The following ARHGAP25 variants were observed in gnomAD, a reference collection of about 807,000 sequenced individuals.
ARHGAP25 encodes rho GTPase-activating protein 25.
In ARHGAP25, 34 loss-of-function variants were observed where a neutral mutation model predicts 71.0. The ratio of observed to expected loss-of-function variants is 0.48; its 90% CI spans 0.36 to 0.64. The LOEUF is 0.64. Among genes scored for constraint, ARHGAP25 ranks in the 30% least tolerant of loss-of-function variants. The pLI is 0.00. For synonymous variants in ARHGAP25, 282 were observed against 296.5 expected, an observed-to-expected ratio of 0.95 and a Z score of 0.50; for missense variants, 706 against 805.1, an observed-to-expected ratio of 0.88 and a Z score of 1.49.
chr2:68,744,337 C>T (rs1437686225), intron 1 of ARHGAP25, among the ~76,000 whole-genome samples: 2 of 152,200 alleles, frequency 1.3e-5, no homozygotes, highest in South Asian at 2.1e-4. Flanking sequence ...TCCTGAATTA[C>T]CCAGGTACAA....
chr2:68,792,934 T>C lies in ARHGAP25; in HGVS notation c.466+4978T>C, dbSNP rs181325951. 1.9e-3 allele frequency among the ~76,000 whole-genome samples: 295 copies of C among 152,130 alleles called. 2 individuals carry two copies. The highest frequency in any genetic ancestry group is 6.9e-3 in the African/African-American group (285 of 41,364). On this transcript the variant is annotated intron_variant, in intron 4 of 10. Transcript: ENST00000409202. ...TTTTCTCTGCATCTTGACCGACATCTGTTATTTTTTTACTTTTTGGTAATT... is the reference window on the plus strand; with the variant it reads ...TTTTCTCTGCATCTTGACCGACATCCGTTATTTTTTTACTTTTTGGTAATT...
At chr2:68,821,351 C>A (rs1388427864) in intron 9 of ARHGAP25, among the ~76,000 whole-genome samples, 1 of 152,162 alleles carries the variant, frequency 6.6e-6, no homozygotes, top group Non-Finnish European at 1.5e-5. Flanking sequence ...CCACCCTCCT[C>A]AGCCTCCCAA....
At chr2:68,790,058 GGCTCACTGCAACCTCC>G (rs1679055778) in intron 4 of ARHGAP25, among the ~76,000 whole-genome samples, 1 of 152,072 alleles carries the variant, frequency 6.6e-6, no homozygotes, top group Non-Finnish European at 1.5e-5. Context: ...GCATGATCTC[GGCTCACTGCAACCTCC>G]GCTTCCAGGG....
chr2:68,796,093 G>T (rs1196003802), intron 4 of ARHGAP25, among the ~76,000 whole-genome samples: 1 of 151,986 alleles, frequency 6.6e-6, no homozygotes, highest in Non-Finnish European at 1.5e-5. Flanking sequence ...CTGAAATTCT[G>T]CCTTTTGCTT....
Position 68,819,649 on chromosome 2 carries a change from A to G in ARHGAP25, c.1200+330A>G, listed in dbSNP as rs1573635335. On this transcript the variant is annotated intron_variant, in intron 9 of 10. Coordinates refer to ENST00000409202, the MANE Select transcript of ARHGAP25 (RefSeq NM_001007231.3). ...GGGAAAAATGTATACAACATTGTAA[A>G]TGTTTTGGTCAGAATTGTTGAAAAT... The G allele has an allele frequency of 2.7e-5, 15 of 556,772 alleles. No homozygotes were observed. In the East Asian group the frequency reaches 4.3e-4, roughly 16 times the overall value. The allele number at this position is 556,772 out of a possible 1,614,324, so 34.5% of individuals were successfully genotyped here.
intron 2 of ARHGAP25, among the ~76,000 whole-genome samples, chr2:68,722,406 T>C (rs1049745028): frequency 7.0e-4 from 106 of 152,074 alleles, no homozygotes; most frequent in African/African-American, 2.3e-3. Flanking sequence ...GTTAAAACCC[T>C]GACTCTACTA....
intron 2 of ARHGAP25, among the ~76,000 whole-genome samples, chr2:68,718,622 G>C (rs2104252832): frequency 6.6e-6 from 1 of 152,222 alleles, no homozygotes; most frequent in South Asian, 2.1e-4. Flanking sequence ...TAGATACATA[G>C]ATAGAGATAT....
chr2:68,758,503 A>G (rs564311314), intron 1 of ARHGAP25, among the ~76,000 whole-genome samples: 1 of 152,104 alleles, frequency 6.6e-6, no homozygotes, highest in East Asian at 1.9e-4. Flanking sequence ...AAAATGCTAC[A>G]AGAAACAAAG....
Position 68,787,910 on chromosome 2 carries a change from G to A in ARHGAP25, c.420G>A (p.Glu140=), listed in dbSNP as rs766914430. Residue 140 remains glutamate, a synonymous_variant, in exon 4 of 11, where the codon GAG becomes GAA. Transcript: ENST00000409202. ...VLMASSQAEM[E]EWVKFLRRVA... ...TGGCCAGCTCTCAGGCGGAGATGGA[G>A]GAGTGGGTTAAATTCCTCAGGAGAG... The A allele has an allele frequency of 6.2e-7, 1 of 1,614,264 alleles. No homozygotes were observed. The highest frequency in any genetic ancestry group is 8.5e-7 in the Non-Finnish European group (1 of 1,180,042).
chr2:68,797,200 A>G (rs996488784), intron 4 of ARHGAP25, among the ~76,000 whole-genome samples: 1 of 152,160 alleles, frequency 6.6e-6, no homozygotes, highest in Non-Finnish European at 1.5e-5. Context: ...TGGCATATGC[A>G]TGCACCAGCC....
intron 1 of ARHGAP25, among the ~76,000 whole-genome samples, chr2:68,771,190 G>A (rs1390502235): frequency 6.6e-6 from 1 of 152,210 alleles, no homozygotes; most frequent in Non-Finnish European, 1.5e-5. Context: ...CTAGAATAAT[G>A]TGAGGTTTCT....
chr2:68,808,956 C>T (rs1222044978), intron 5 of ARHGAP25, among the ~76,000 whole-genome samples: 1 of 152,060 alleles, frequency 6.6e-6, no homozygotes, highest in African/African-American at 2.4e-5. Flanking sequence ...CATCTCCACC[C>T]CTAGAAGTGA....
chr2:68,802,724 AG>A (rs1680084421), intron 4 of ARHGAP25, among the ~76,000 whole-genome samples: 2 of 148,432 alleles, frequency 1.3e-5, no homozygotes, highest in South Asian at 2.1e-4. Flanking sequence ...AGAGAGAGAG[AG>A]AGAGAGAAAA....
intron 7 of ARHGAP25, among the ~76,000 whole-genome samples, chr2:68,817,558 G>A (rs947164782): frequency 6.6e-6 from 1 of 152,144 alleles, no homozygotes; most frequent in Non-Finnish European, 1.5e-5. Context: ...ACATGGGTAT[G>A]GGCAGATACC....
chr2:68,746,957 G>A lies in ARHGAP25; in HGVS notation c.61+11697G>A, dbSNP rs543444254. Among the ~76,000 whole-genome samples, 8 of 146,896 alleles carry A rather than the reference G, an allele frequency of 5.4e-5. No individual in the cohort carries two copies. In the South Asian group the frequency reaches 1.3e-3, roughly 24 times the overall value. The stretch of plus-strand genomic sequence containing the variant: ...CGGGAGGCAGAGGTTGTGGTGAGCC[G>A]AGATTGGGCCACTGTACTCCAGCCC... On this transcript the variant is annotated intron_variant, in intron 1 of 10. Coordinates refer to ENST00000409202, the MANE Select transcript of ARHGAP25 (RefSeq NM_001007231.3).
chr2:68,786,673 G>A (rs1678779800), intron 3 of ARHGAP25, among the ~76,000 whole-genome samples: 1 of 152,164 alleles, frequency 6.6e-6, no homozygotes, highest in African/African-American at 2.4e-5. Context: ...GTCAGAATCA[G>A]GTTATCACAA....
At chr2:68,817,777 G>A (rs1681339055) in intron 7 of ARHGAP25, 96 bp from the exon 8 acceptor site, 2 of 1,450,316 alleles carry the variant, frequency 1.4e-6, no homozygotes, top group Non-Finnish European at 1.9e-6. Flanking sequence ...TGGGAGGAAA[G>A]CATTGGATCC....
At chr2:68,803,894 G>A (rs923535273) in intron 4 of ARHGAP25, among the ~76,000 whole-genome samples, 3 of 152,098 alleles carry the variant, frequency 2.0e-5, no homozygotes, top group Non-Finnish European at 4.4e-5. Context: ...AACAGGAGTG[G>A]CAAAAATTTG....
chr2:68,807,109 C>A, intron 4 of ARHGAP25, 164 bp from the exon 5 acceptor site: 1 of 649,654 alleles, frequency 1.5e-6, no homozygotes, highest in Non-Finnish European at 2.7e-6. Flanking sequence ...TTTACAGGCC[C>A]CTATTTATAG....
Sources: gnomAD v4.1 joint callset for allele counts (sites outside exome capture counted in the v4.1 genomes callset) on GRCh38, gnomAD v4.1.1 for gene constraint, MANE v1.5 for transcripts, NCBI Gene and HGNC (gene_info 2026-07-23, HGNC 2026-07-21) for gene names.